The following WLS variants were observed in gnomAD, a reference collection of about 807,000 sequenced individuals.
WLS encodes the protein Wnt ligand secretion mediator, also known as protein wntless homolog.
A neutral mutation model predicts 62.8 loss-of-function variants in WLS; 23 were observed. The ratio of observed to expected loss-of-function variants is 0.37; its 90% CI spans 0.26 to 0.52. The LOEUF (loss-of-function observed/expected upper bound fraction) is 0.52. WLS is among the 20% of genes least tolerant of loss of function. The pLI, the probability that WLS is intolerant of heterozygous loss-of-function variation, is 0.92. For synonymous variants in WLS, 246 were observed against 244.1 expected, an observed-to-expected ratio of 1.01 and a Z score of -0.07; for missense variants, 615 against 697.3, an observed-to-expected ratio of 0.88 and a Z score of 1.33.
At chr1:68,167,422 G>T (rs1366158869) in intron 2 of WLS, among the ~76,000 whole-genome samples, 1 of 152,150 alleles carries the variant, frequency 6.6e-6, no homozygotes, top group Non-Finnish European at 1.5e-5. Flanking sequence ...TGATGATGTT[G>T]CATTTAATAA....
At chr1:68,224,677 T>C (rs1267599274) in intron 1 of WLS, among the ~76,000 whole-genome samples, 1 of 151,830 alleles carries the variant, frequency 6.6e-6, no homozygotes, top group Admixed American at 6.6e-5. Flanking sequence ...GTCTCAGGAG[T>C]TGGGGATCCC....
chr1:68,162,504 T>C, intron 2 of WLS: 1 of 1,613,686 alleles, frequency 6.2e-7, no homozygotes, highest in Non-Finnish European at 8.5e-7. Context: ...TGGCTCGAAC[T>C]GCAACCGCCT....
chr1:68,211,114 T>C (rs112674744), intron 1 of WLS, among the ~76,000 whole-genome samples: 1 of 152,200 alleles, frequency 6.6e-6, no homozygotes, highest in Non-Finnish European at 1.5e-5. Context: ...ACACTGTCTT[T>C]TGTTTCATTG....
chr1:68,150,981 G>A (rs965673006), intron 5 of WLS, among the ~76,000 whole-genome samples: 2 of 152,178 alleles, frequency 1.3e-5, no homozygotes, highest in Non-Finnish European at 2.9e-5. Context: ...CATGTACCAG[G>A]TATTGTGTTA....
chr1:68,109,551 T>C (rs1646193263), intron 11 of WLS, among the ~76,000 whole-genome samples: 1 of 152,144 alleles, frequency 6.6e-6, no homozygotes, highest in South Asian at 2.1e-4. Context: ...AATGCTAGAC[T>C]ATAAAAAGTG....
intron 1 of WLS, among the ~76,000 whole-genome samples, chr1:68,203,293 A>T (rs1649124889): frequency 6.6e-6 from 1 of 152,214 alleles, no homozygotes; most frequent in Non-Finnish European, 1.5e-5. Context: ...TTTCATATCT[A>T]ATGCTCCTTT....
intron 11 of WLS, among the ~76,000 whole-genome samples, chr1:68,127,890 AGGCTGCTT>A (rs1358664334): frequency 3.3e-5 from 5 of 152,152 alleles, no homozygotes; most frequent in Non-Finnish European, 7.3e-5. Context: ...CTGGCCCAGC[AGGCTGCTT>A]GGCTGGTTCC....
intron 11 of WLS, among the ~76,000 whole-genome samples, chr1:68,127,923 C>T (rs555392331): frequency 1.6e-4 from 25 of 152,124 alleles, no homozygotes; most frequent in Admixed American, 9.8e-4. Context: ...ACGTGTGCCA[C>T]GCAGTATTAG....
intron 2 of WLS, chr1:68,162,989 G>A (rs1484256163): frequency 1.9e-6 from 3 of 1,593,094 alleles, no homozygotes; most frequent in African/African-American, 2.7e-5. Context: ...GCGCCACCAG[G>A]GGGCAGGAGT....
At chr1:68,148,060 G>T in intron 8 of WLS, 76 bp downstream of exon 8, 2 of 1,508,794 alleles carry the variant, frequency 1.3e-6, no homozygotes, top group Non-Finnish European at 9.2e-7. Context: ...AGCATCAGCA[G>T]AGCCTTAGAA....
In WLS at chr1:68,125,457, A is replaced by G; in HGVS notation, c.*769T>C. ...TACACTTTTGGAGGCTATTTGAAGT[A>G]TCTTATCAAAATAAAACGCATTTTA... On this transcript the variant is annotated 3_prime_UTR_variant, in exon 12 of 12. Coordinates refer to ENST00000262348, the MANE Select transcript of WLS (RefSeq NM_024911.7). The G allele has an allele frequency of 1.0e-6, 1 of 985,468 alleles. No homozygotes were observed. Among genetic ancestry groups the G allele is most frequent in the Non-Finnish European group, 1.2e-6 (1 of 829,934 alleles). The allele number at this position is 985,468 out of a possible 1,614,324, so 61.0% of individuals were successfully genotyped here.
chr1:68,167,741 C>T (rs1291038159), intron 2 of WLS, among the ~76,000 whole-genome samples: 7 of 152,272 alleles, frequency 4.6e-5, no homozygotes, highest in Admixed American at 4.6e-4. Flanking sequence ...AGCCAAGCTT[C>T]ACATTTCTCA....
At chr1:68,143,384 T>G (rs1437948691) in intron 10 of WLS, among the ~76,000 whole-genome samples, 1 of 152,218 alleles carries the variant, frequency 6.6e-6, no homozygotes, top group African/African-American at 2.4e-5. Flanking sequence ...CTTCTTGCTA[T>G]TCATAAGAAC....
At chr1:68,129,868 G>C (rs1646492729) in intron 11 of WLS, among the ~76,000 whole-genome samples, 1 of 152,164 alleles carries the variant, frequency 6.6e-6, no homozygotes, top group South Asian at 2.1e-4. Flanking sequence ...GTGAAAAAGA[G>C]TGAGAAAGAA....
At chr1:68,164,614 G>A (rs772657144) in intron 2 of WLS, among the ~76,000 whole-genome samples, 43 of 152,256 alleles carry the variant, frequency 2.8e-4, no homozygotes, top group Non-Finnish European at 5.0e-4. Context: ...GGCAGCCACA[G>A]CCTACACTCC....
chr1:68,148,105 A>G, intron 8 of WLS, 31 bp downstream of exon 8: 1 of 1,613,082 alleles, frequency 6.2e-7, no homozygotes, highest in Non-Finnish European at 8.5e-7. Flanking sequence ...AGGGGAAGAA[A>G]TAAAACCCTG....
In WLS at chr1:68,126,264, CAG is replaced by C; in HGVS notation, c.1586_1587del (p.Thr529ArgfsTer84). On this transcript the variant is annotated frameshift_variant, in exon 12 of 12. Coordinates refer to ENST00000262348, the MANE Select transcript of WLS (RefSeq NM_024911.7). LOFTEE classifies it high-confidence loss of function. ...TCCTTGCGGGTCAACTTGTAGATCTCAGTGGGTCCGTCCACATGGGTGATAGT... is the reference window on the plus strand; with the variant it reads ...TCCTTGCGGGTCAACTTGTAGATCTCTGGGTCCGTCCACATGGGTGATAGT... ...TTTITHVDGP[T>X]EIYKLTRKEA... 1.2e-6 allele frequency: 2 copies of C among 1,614,180 alleles called. No homozygotes were observed. The highest frequency in any genetic ancestry group is 1.7e-6 in the Non-Finnish European group (2 of 1,180,036).
downstream of WLS, among the ~76,000 whole-genome samples, chr1:68,123,692 A>T (rs926690496): frequency 6.6e-6 from 1 of 152,136 alleles, no homozygotes; most frequent in African/African-American, 2.4e-5. Flanking sequence ...GGTAGGCCCC[A>T]AGCAGCCATT....
chr1:68,105,042 T>C (rs949634811), intron 11 of WLS, among the ~76,000 whole-genome samples: 2 of 152,230 alleles, frequency 1.3e-5, no homozygotes, highest in African/African-American at 4.8e-5. Flanking sequence ...ATCTATGTGG[T>C]CCCATTCTCT....
Sources: gnomAD v4.1 joint callset for allele counts (sites outside exome capture counted in the v4.1 genomes callset) on GRCh38, gnomAD v4.1.1 for gene constraint, MANE v1.5 for transcripts, NCBI Gene and HGNC (gene_info 2026-07-23, HGNC 2026-07-21) for gene names.